MGST1: variants seen among roughly 807,000 people sequenced by gnomAD.
MGST1 encodes the protein glutathione S-transferase 12.
A neutral mutation model predicts 8.9 loss-of-function variants in MGST1; 5 were observed. The observed-to-expected ratio is 0.56, with a 90% confidence interval of 0.29 to 1.19. The LOEUF is 1.19. Among genes scored for constraint, MGST1 ranks in the 50% most tolerant of loss-of-function variants. MGST1 has a pLI of 0.08. For synonymous variants in MGST1, 54 were observed against 67.8 expected (o/e 0.80, Z 1.00); for missense variants, 182 against 187.4 (o/e 0.97, Z 0.17).
At chr12:16,441,384 G>T (rs1941037442), downstream of MGST1, among the ~76,000 whole-genome samples, 1 of 151,796 alleles carries the variant, frequency 6.6e-6, no homozygotes, top group Non-Finnish European at 1.5e-5. Flanking sequence ...CACTCTTGAT[G>T]GTGTATAGTC....
downstream of MGST1, among the ~76,000 whole-genome samples, chr12:16,366,399 GTC>G (rs1325206908): frequency 6.6e-6 from 1 of 152,086 alleles, no homozygotes; most frequent in African/African-American, 2.4e-5. The surrounding 1 kb of genome is among the most constrained non-coding windows in gnomAD (Gnocchi z 4.0). Context: ...TACTGGTCTA[GTC>G]TCTCCTGAAA....
intron 1 of MGST1, among the ~76,000 whole-genome samples, chr12:16,416,724 A>G (rs1940790758): frequency 6.6e-6 from 1 of 152,176 alleles, no homozygotes; most frequent in African/African-American, 2.4e-5. Context: ...AATCCATAAC[A>G]CAGGAAAATA....
intron 4 of MGST1, among the ~76,000 whole-genome samples, chr12:16,525,558 G>A (rs1362550538): frequency 7.0e-6 from 1 of 143,538 alleles, no homozygotes; most frequent in African/African-American, 2.6e-5. Flanking sequence ...GGACATTTGG[G>A]TTGGTTCCAA....
chr12:16,448,047 A>G (rs930753512), intron 4 of MGST1, among the ~76,000 whole-genome samples: 2 of 151,934 alleles, frequency 1.3e-5, no homozygotes, highest in African/African-American at 4.8e-5. Context: ...AAGACACTGT[A>G]CAGGTTGTCG....
At chr12:16,481,142 C>CA (rs897157379) in intron 4 of MGST1, among the ~76,000 whole-genome samples, 9 of 151,930 alleles carry the variant, frequency 5.9e-5, no homozygotes, top group Admixed American at 5.9e-4. Flanking sequence ...AACAAACAAA[C>CA]AAAAAAAGCC....
chr12:16,565,589 A>G (rs1329966741), intron 4 of MGST1, among the ~76,000 whole-genome samples: 1 of 152,210 alleles, frequency 6.6e-6, no homozygotes, highest in Non-Finnish European at 1.5e-5. Flanking sequence ...TAGAATGTAC[A>G]TATAAAAATA....
At chr12:16,424,796 G>C (rs564622016) in intron 1 of MGST1, among the ~76,000 whole-genome samples, 1 of 152,200 alleles carries the variant, frequency 6.6e-6, no homozygotes, top group Admixed American at 6.5e-5. Context: ...TAAAATGAGA[G>C]TCATCCCTCA....
chr12:16,507,511 A>G (rs999266245), intron 4 of MGST1, among the ~76,000 whole-genome samples: 2 of 152,292 alleles, frequency 1.3e-5, no homozygotes, highest in Non-Finnish European at 2.9e-5. Context: ...TAGGGAATGA[A>G]GAGGAGGAAT....
chr12:16,462,242 C>G (rs1941226246), intron 4 of MGST1, among the ~76,000 whole-genome samples: 1 of 152,120 alleles, frequency 6.6e-6, no homozygotes, highest in South Asian at 2.1e-4. Flanking sequence ...CATTTTGCAT[C>G]AGTTAAATTT....
intron 4 of MGST1, among the ~76,000 whole-genome samples, chr12:16,467,087 A>G (rs773973667): frequency 1.3e-5 from 2 of 152,224 alleles, no homozygotes; most frequent in Non-Finnish European, 2.9e-5. Flanking sequence ...GTCATGTGAT[A>G]TGAAACACAA....
chr12:16,552,510 C>T (rs115358923), intron 4 of MGST1, among the ~76,000 whole-genome samples: 292 of 152,120 alleles, frequency 1.9e-3, no homozygotes, highest in African/African-American at 6.4e-3. Flanking sequence ...GCTAGACAAA[C>T]AGTGAACCTA....
chr12:16,480,265 C>A (rs1941356014), intron 4 of MGST1, among the ~76,000 whole-genome samples: 1 of 151,554 alleles, frequency 6.6e-6, no homozygotes, highest in Admixed American at 6.6e-5. Context: ...GCCTCAACCT[C>A]CTGAGTAGCT....
intron 2 of MGST1, 200 bp downstream of exon 2, chr12:16,354,578 G>T (rs867595583): frequency 1.7e-5 from 7 of 405,392 alleles, no homozygotes; most frequent in Non-Finnish European, 2.6e-5. Context: ...CTAGTAAATG[G>T]TTTTTTCATT....
rs1449125160 is a variant in MGST1, at chr12:16,362,143, GA to G, written c.222-1649del. 6.6e-6 allele frequency among the ~76,000 whole-genome samples: 1 copy of G among 152,142 alleles called. No individual in the cohort carries two copies. Among genetic ancestry groups the G allele is most frequent in the Non-Finnish European group, 1.5e-5 (1 of 68,016 alleles). On this transcript the variant is annotated intron_variant, in intron 3 of 3. Coordinates refer to ENST00000396210, the MANE Select transcript of MGST1 (RefSeq NM_020300.5). The surrounding 1 kb of genome is among the most constrained non-coding windows in gnomAD (Gnocchi z 4.4). ...ACGATATCTCTGTGATGCTGGGGGA[GA>G]AATCACAGGGGCAAAACAAATACTC... is the stretch of plus-strand genomic sequence containing the variant.
exon 2 of MGST1, chr12:16,437,880 C>T (rs932863162): frequency 1.3e-5 from 2 of 151,790 alleles, no homozygotes; most frequent in African/African-American, 4.8e-5. Flanking sequence ...AGAAAAAAAC[C>T]CCTCTGAATC....
rs1705231990 is a variant in MGST1 at position 16,544,066 on chromosome 12, G to C, written n.483-45462G>C. On this transcript the variant is annotated intron_variant and non_coding_transcript_variant, in intron 4 of 4. Coordinates refer to the MGST1 transcript ENST00000538857. This position sits in a 1 kb window ranked among gnomAD's most constrained non-coding sequence, Gnocchi z 4.8. ...CTTTATACACATTTGTTTGGTCGCT[G>C]CAGTTTTCAGGTTGAGTATTCCTTT... 6.6e-6 allele frequency among the ~76,000 whole-genome samples: 1 copy of C among 152,058 alleles called. No individual in the cohort carries two copies. Among genetic ancestry groups the C allele is most frequent in the South Asian group, 2.1e-4 (1 of 4,822 alleles).
At chr12:16,378,789 T>C (rs1940419258), downstream of MGST1, among the ~76,000 whole-genome samples, 2 of 151,984 alleles carry the variant, frequency 1.3e-5, no homozygotes, top group African/African-American at 4.8e-5. Flanking sequence ...GCATGGAATG[T>C]TCTTCCATTT....
At chr12:16,351,437 CT>C (rs2136920314) in intron 1 of MGST1, among the ~76,000 whole-genome samples, 1 of 152,242 alleles carries the variant, frequency 6.6e-6, no homozygotes, top group East Asian at 1.9e-4. Context: ...AATTTGCTAT[CT>C]AGGGGATTTT....
At position 16,582,741 on chromosome 12, in the gene MGST1, G is replaced by A. The variant is rs1233884808; in HGVS notation, n.483-6787G>A. Among the ~76,000 whole-genome samples, 1 of 152,110 alleles carries A rather than the reference G, an allele frequency of 6.6e-6. No individual in the cohort carries two copies. Among genetic ancestry groups the A allele is most frequent in the East Asian group, 1.9e-4 (1 of 5,172 alleles). ...TCTTTTAAGTATCTGATTGGGATGA[G>A]ACGCCCAGAAAAGAATCAGAACTAG... On this transcript the variant is annotated intron_variant and non_coding_transcript_variant, in intron 4 of 4. Coordinates refer to the MGST1 transcript ENST00000538857. The surrounding 1 kb of genome is among the most constrained non-coding windows in gnomAD (Gnocchi z 4.1).
Sources: gnomAD v4.1 joint callset for allele counts (sites outside exome capture counted in the v4.1 genomes callset) on GRCh38, gnomAD v4.1.1 for gene constraint, Gnocchi (gnomAD v3.1) non-coding constraint, MANE v1.5 for transcripts, NCBI Gene and HGNC (gene_info 2026-07-23, HGNC 2026-07-21) for gene names.